ZNF658: variants seen among roughly 807,000 people sequenced by gnomAD.
The protein encoded by ZNF658 is zinc finger protein 658.
ZNF658 carries 46 observed loss-of-function variants against 78.0 expected under a neutral mutation model. That is an observed-to-expected ratio of 0.59 (90% CI 0.47 to 0.75). ZNF658 has a LOEUF of 0.75. Among genes scored for constraint, ZNF658 ranks in the 30% least tolerant of loss-of-function variants. The pLI is 0.00. For missense variants in ZNF658, 785 were observed against 1,189.3 expected, an observed-to-expected ratio of 0.66 and a Z score of 5.00; for synonymous variants, 279 against 408.4, an observed-to-expected ratio of 0.68 and a Z score of 3.82.
In ZNF658 at chr9:66,919,444, G is replaced by A; in HGVS notation, c.1878G>A (p.Gly626=). The change falls in exon 5 of 5, where the codon GGG becomes GGA. Residue 626 remains glycine (G), a synonymous_variant. Coordinates refer to ENST00000621410, the MANE Select transcript of ZNF658 (RefSeq NM_033160.7). The part of the protein sequence containing the change: ...ALRAHHRIHT[G]EKPYECNECG... ...GAGCACATCATAGAATTCACACGGG[G>A]GAGAAACCTTATGAATGTAATGAAT... 6.3e-7 allele frequency: 1 copy of A among 1,598,450 alleles called. No homozygotes were observed. The highest frequency in any genetic ancestry group is 1.1e-5 in the South Asian group (1 of 90,168).
intron 2 of ZNF658, among the ~76,000 whole-genome samples, chr9:66,907,125 GT>G (rs980012045): frequency 6.6e-6 from 1 of 151,500 alleles, no homozygotes; most frequent in Non-Finnish European, 1.5e-5. Context: ...CTCAGGTGTT[GT>G]TTTTGGTTCT....
chr9:66,905,068 CTTTTTTTTTT>C (rs1165611922), intron 2 of ZNF658, among the ~76,000 whole-genome samples: 4 of 31,762 alleles, frequency 1.3e-4, no homozygotes, highest in South Asian at 1.4e-3. Flanking sequence ...TTTTTCTTTT[CTTTTTTTTTT>C]TTTTTTTTTT....
rs1284688451 is a variant in ZNF658 at position 66,908,620 on chromosome 9, T to C, written c.143-19T>C. 3 of 1,561,444 alleles carry C rather than the reference T, an allele frequency of 1.9e-6. No individual in the cohort carries two copies. The highest frequency in any genetic ancestry group is 2.6e-6 in the Non-Finnish European group (3 of 1,154,724). On this transcript the variant is annotated intron_variant, in intron 3 of 4. Transcript: ENST00000621410. ...CAAAAGCCTGTGAATCTGGTCCATG[T>C]CAATTATTTTGTTTACAGGATATTG... is the stretch of plus-strand genomic sequence containing the variant.
In ZNF658 at chr9:66,920,815, C is replaced by T. The variant is rs971133050; in HGVS notation, c.*69C>T. ...TGTGACATAGGCTGGGAACTTGTTTCCCTTATCCATTTCCTTTTTCATTAG... is the reference window on the plus strand; with the variant it reads ...TGTGACATAGGCTGGGAACTTGTTTTCCTTATCCATTTCCTTTTTCATTAG... On this transcript the variant is annotated 3_prime_UTR_variant, in exon 5 of 5. Transcript: ENST00000621410. 45 of 629,998 alleles carry T rather than the reference C, an allele frequency of 7.1e-5. No homozygotes were observed. The highest frequency in any genetic ancestry group is 3.4e-4 in the African/African-American group (18 of 53,116). 39.0% of individuals were successfully genotyped at this position (629,998 alleles called of 1,614,324 possible).
In ZNF658 at chr9:66,918,720, A is replaced by T. The variant is rs1289188156; in HGVS notation, c.1154A>T (p.Glu385Val). Residue 385 changes from glutamate to valine, a missense_variant, in exon 5 of 5, where the codon GAA becomes GTA. By Grantham distance (121) the Glu-to-Val change is moderately radical. This residue lies in a region of ZNF658 where 393 missense variants were observed against 400.2 expected (regional missense o/e 0.98). Coordinates refer to ENST00000621410, the MANE Select transcript of ZNF658 (RefSeq NM_033160.7). ...GAAGATAAATTCTACCTTTCTGATG[A>T]ACATGGGAAATGCAGAAAATCCTTT... is the stretch of plus-strand genomic sequence containing the variant. Reference protein sequence around the residue: ...HTEDKFYLSDEHGKCRKSFYR... With the variant: ...HTEDKFYLSDVHGKCRKSFYR... The T allele has an allele frequency of 6.2e-7, 1 of 1,613,874 alleles. No individual in the cohort carries two copies. Among genetic ancestry groups the T allele is most frequent in the African/African-American group, 1.3e-5 (1 of 74,938 alleles).
At chr9:66,921,528 A>G (rs1177337400), downstream of ZNF658, 3 of 151,810 alleles carry the variant, frequency 2.0e-5, no homozygotes, top group East Asian at 1.9e-4. Flanking sequence ...CTGTTTTGTA[A>G]TATCAAAAAT....
chr9:66,916,141 G>A (rs574899657), intron 4 of ZNF658, among the ~76,000 whole-genome samples: 1 of 151,876 alleles, frequency 6.6e-6, no homozygotes, highest in Non-Finnish European at 1.5e-5. Context: ...ACACACCTCA[G>A]CCTCTCAAAG....
chr9:66,904,835 G>C (rs1406506283), intron 2 of ZNF658, among the ~76,000 whole-genome samples: 1 of 151,872 alleles, frequency 6.6e-6, no homozygotes, highest in Non-Finnish European at 1.5e-5. Context: ...GAAAATTCCA[G>C]TTTCTCTATT....
chr9:66,912,865 G>A (rs1373166077), intron 4 of ZNF658, among the ~76,000 whole-genome samples: 1 of 149,564 alleles, frequency 6.7e-6, no homozygotes, highest in East Asian at 2.0e-4. Context: ...AGCCAACATG[G>A]CAAAACCCTG....
chr9:66,929,545 A>G (rs1822619651), intron 6 of ZNF658, among the ~76,000 whole-genome samples: 1 of 151,972 alleles, frequency 6.6e-6, no homozygotes, highest in Admixed American at 6.6e-5. Context: ...TGTTTCTTCC[A>G]GGATGCAGGT....
intron 2 of ZNF658, among the ~76,000 whole-genome samples, chr9:66,904,591 AT>A (rs1160123819): frequency 2.0e-5 from 3 of 152,054 alleles, no homozygotes; most frequent in South Asian, 4.2e-4. Flanking sequence ...GAATTCAGTG[AT>A]TTTTTTAGTA....
chr9:66,903,203 G>GA (rs1821992751), intron 1 of ZNF658: 2 of 266,180 alleles, frequency 7.5e-6, no homozygotes, highest in Non-Finnish European at 1.5e-5. Flanking sequence ...TTTACTCAGT[G>GA]AAAATGTAAG....
rs1381241930 is a variant in ZNF658, at chr9:66,902,664, T to G, written c.-44-854T>G. The stretch of plus-strand genomic sequence containing the variant: ...CTCACACCGTGTTCATCACCACATG[T>G]GGCATTTAGAGTGATACTAATGCTG... On this transcript the variant is annotated intron_variant, in intron 1 of 4. Coordinates refer to ENST00000621410, the MANE Select transcript of ZNF658 (RefSeq NM_033160.7). Among the ~76,000 whole-genome samples the G allele has an allele frequency of 3.4e-5, 5 of 149,138 alleles. No homozygotes were observed. The East Asian group carries it at 1.0e-3, about 30-fold the overall frequency.
chr9:66,910,143 G>T (rs1822179264), intron 4 of ZNF658, among the ~76,000 whole-genome samples: 1 of 152,088 alleles, frequency 6.6e-6, no homozygotes, highest in Non-Finnish European at 1.5e-5. Flanking sequence ...CAGTTACACT[G>T]GGGGTTAGGG....
chr9:66,914,710 G>A (rs1437720497), intron 4 of ZNF658, among the ~76,000 whole-genome samples: 2 of 152,058 alleles, frequency 1.3e-5, no homozygotes, highest in Admixed American at 1.3e-4. Context: ...CTGAAATGCA[G>A]CATAAAAACT....
At chr9:66,901,227 C>G (rs1248684741) in intron 1 of ZNF658, 1 of 152,070 alleles carries the variant, frequency 6.6e-6, no homozygotes, top group African/African-American at 2.4e-5. Flanking sequence ...GGTATTTCAC[C>G]TGACCCTCAC....
chr9:66,912,943 G>T (rs1312455240), intron 4 of ZNF658, among the ~76,000 whole-genome samples: 1 of 152,098 alleles, frequency 6.6e-6, no homozygotes, highest in East Asian at 1.9e-4. Flanking sequence ...AGCTGCTTGG[G>T]AGGCTGAGGC....
At chr9:66,922,271 A>T (rs1004449201), downstream of ZNF658, among the ~76,000 whole-genome samples, 4 of 151,704 alleles carry the variant, frequency 2.6e-5, no homozygotes, top group Non-Finnish European at 5.9e-5. Context: ...TGGCTAGGAA[A>T]GGGAATTCCC....
intron 1 of ZNF658, among the ~76,000 whole-genome samples, chr9:66,901,733 C>T (rs1353010338): frequency 6.6e-6 from 1 of 152,016 alleles, no homozygotes; most frequent in Non-Finnish European, 1.5e-5. Flanking sequence ...TCACTTGAGG[C>T]CAGGAGTTCG....
Sources: gnomAD v4.1 joint callset for allele counts (sites outside exome capture counted in the v4.1 genomes callset) on GRCh38, gnomAD v4.1.1 for gene constraint, gnomAD v4.1.1 regional missense constraint, MANE v1.5 for transcripts, NCBI Gene and HGNC (gene_info 2026-07-23, HGNC 2026-07-21) for gene names.